VAMP4: variants seen among roughly 807,000 people sequenced by gnomAD.
VAMP4 encodes vesicle associated membrane protein 4, also known as vesicle-associated membrane protein 4.
In VAMP4, 19 loss-of-function variants were observed where a neutral mutation model predicts 23.5. The ratio of observed to expected loss-of-function variants is 0.81; its 90% CI spans 0.56 to 1.19. The LOEUF (loss-of-function observed/expected upper bound fraction) is 1.19, where lower values mean the gene tolerates loss of function less well. Ranked by LOEUF, VAMP4 falls within the 50% of genes most tolerant of loss-of-function variation. The probability of loss-of-function intolerance (pLI) is 0.00; values close to 1 mark genes in which losing one functional copy is unlikely to be tolerated. For synonymous variants in VAMP4, 31 were observed against 51.0 expected (o/e 0.61, Z 1.67); for missense variants, 145 against 168.6 (o/e 0.86, Z 0.78).
intron 2 of VAMP4, 48 bp from the exon 3 acceptor site, chr1:171,728,618 T>A: frequency 6.5e-7 from 1 of 1,529,464 alleles, no homozygotes. Flanking sequence ...AGAGGGCTTA[T>A]AAAATGTCAC....
At position 171,701,620 on chromosome 1, in the gene VAMP4, CAG is replaced by C. The variant is rs1373079514; in HGVS notation, c.*2884_*2885del. The C allele has an allele frequency of 6.6e-6, 1 of 152,140 alleles. No individual in the cohort carries two copies. Among genetic ancestry groups the C allele is most frequent in the Non-Finnish European group, 1.5e-5 (1 of 67,990 alleles). The allele number at this position is 152,140 out of a possible 1,614,324, so 9.4% of individuals were successfully genotyped here. A position where few individuals can be genotyped will look rare whatever the true frequency, so the allele number is the denominator to read the frequency against. On this transcript the variant is annotated 3_prime_UTR_variant, in exon 8 of 8. Transcript: ENST00000236192. ...TCCTAATACAGACTATTGAAATGCA[CAG>C]AAAGACTACAATAGGCAATCTATAG...
In VAMP4 at chr1:171,719,212, T is replaced by A. The variant is rs1338821693; in HGVS notation, c.123A>T (p.Pro41=). 4 of 1,611,826 alleles carry A rather than the reference T, an allele frequency of 2.5e-6. No individual in the cohort carries two copies. The highest frequency in any genetic ancestry group is 3.4e-6 in the Non-Finnish European group (4 of 1,178,860). Residue 41 remains proline, a synonymous_variant, in exon 4 of 8, where the codon CCA becomes CCT. Coordinates refer to ENST00000236192, the MANE Select transcript of VAMP4 (RefSeq NM_003762.5). ...DEEEDFFLRG[P]SGPRFGPRND... is the part of the protein sequence containing the mutation. ...TTCTAGGTCCAAATCTTGGTCCAGA[T>A]GGTCCCCTTCTGAAAACAAGTACAT...
At chr1:171,731,444 A>G (rs1341375440) in intron 2 of VAMP4, among the ~76,000 whole-genome samples, 1 of 145,268 alleles carries the variant, frequency 6.9e-6, no homozygotes, top group Non-Finnish European at 1.5e-5. Context: ...CAGGATTGCA[A>G]CAAATGCTAT....
Position 171,738,384 on chromosome 1 carries a change from CATT to C in VAMP4, c.28_30del (p.Asn10del), listed in dbSNP as rs781381161. Reference sequence around the variant, plus strand: ...TTCACAGAACCTGTGACATCATCATCATTGAGGTGGCGCTTAAACTTGGGAGGC... The same window carrying C: ...TTCACAGAACCTGTGACATCATCATCGAGGTGGCGCTTAAACTTGGGAGGC... On this transcript the variant is annotated inframe_deletion, in exon 2 of 8. Coordinates refer to ENST00000236192, the MANE Select transcript of VAMP4 (RefSeq NM_003762.5). 3.5e-5 allele frequency: 57 copies of C among 1,614,042 alleles called. No individual in the cohort carries two copies. The highest frequency in any genetic ancestry group is 6.7e-5 in the Admixed American group (4 of 60,000).
chr1:171,738,238 G>T, intron 2 of VAMP4, 111 bp downstream of exon 2: 1 of 1,181,696 alleles, frequency 8.5e-7, no homozygotes, highest in Non-Finnish European at 1.2e-6. Flanking sequence ...CAAGTGCGGC[G>T]ATTGCAGGCA....
At position 171,703,419 on chromosome 1, in the gene VAMP4, T is replaced by TA. The variant is rs1553258233; in HGVS notation, c.*1086_*1087insT. 1.6e-4 allele frequency: 14 copies of TA among 87,950 alleles called. No individual in the cohort carries two copies. Among genetic ancestry groups the TA allele is most frequent in the African/African-American group, 4.5e-4 (11 of 24,442 alleles). The allele number at this position is 87,950 out of a possible 1,614,324, so 5.4% of individuals were successfully genotyped here. ...TGTGTGTGTGTGTGTGTGTGTGTGT[T>TA]TGTGTGTATATATATATATATATAT... On this transcript the variant is annotated 3_prime_UTR_variant, in exon 8 of 8. Transcript: ENST00000236192.
chr1:171,738,762 C>T (rs1655824089), intron 1 of VAMP4, among the ~76,000 whole-genome samples: 3 of 152,210 alleles, frequency 2.0e-5, no homozygotes, highest in Admixed American at 2.0e-4. Flanking sequence ...GGACGTCTCA[C>T]TGAGACATTA....
intron 2 of VAMP4, among the ~76,000 whole-genome samples, chr1:171,730,977 G>A (rs1655543619): frequency 6.6e-6 from 1 of 152,058 alleles, no homozygotes; most frequent in African/African-American, 2.4e-5. Context: ...GGCCCAGGCG[G>A]GTGGATCACG....
chr1:171,714,541 G>A (rs534508492), intron 4 of VAMP4, among the ~76,000 whole-genome samples: 2 of 152,338 alleles, frequency 1.3e-5, no homozygotes, highest in Admixed American at 1.3e-4. Context: ...GGAGGCTGAG[G>A]CAGGAGGATC....
At chr1:171,711,803 C>A (rs1280449599) in intron 4 of VAMP4, among the ~76,000 whole-genome samples, 2 of 152,160 alleles carry the variant, frequency 1.3e-5, no homozygotes, top group African/African-American at 4.8e-5. Context: ...GGATTACTAG[C>A]GACTACAGAC....
intron 1 of VAMP4, among the ~76,000 whole-genome samples, chr1:171,738,814 C>T (rs1209648173): frequency 6.6e-6 from 1 of 152,200 alleles, no homozygotes; most frequent in East Asian, 1.9e-4. Context: ...GACAGGAGAA[C>T]ATGCCTATTT....
chr1:171,739,672 T>C (rs1170306471), intron 1 of VAMP4, among the ~76,000 whole-genome samples: 2 of 152,172 alleles, frequency 1.3e-5, no homozygotes, highest in Non-Finnish European at 2.9e-5. Context: ...AGTATCAGAA[T>C]TGAATTAGAG....
intron 2 of VAMP4, among the ~76,000 whole-genome samples, chr1:171,733,538 T>C (rs1031016237): frequency 4.6e-5 from 7 of 152,192 alleles, no homozygotes; most frequent in Admixed American, 2.6e-4. Context: ...TTTACTATAA[T>C]TGTACACTGA....
At chr1:171,715,125 G>A (rs988933454) in intron 4 of VAMP4, among the ~76,000 whole-genome samples, 1 of 152,092 alleles carries the variant, frequency 6.6e-6, no homozygotes, top group African/African-American at 2.4e-5. Context: ...GAAGGAATTG[G>A]GAAAAGAGTA....
At chr1:171,708,760 C>T (rs1439709925) in intron 6 of VAMP4, among the ~76,000 whole-genome samples, 1 of 149,900 alleles carries the variant, frequency 6.7e-6, no homozygotes, top group Non-Finnish European at 1.5e-5. Context: ...TCTGTAATTC[C>T]AGCTACTCAG....
chr1:171,741,206 T>C (rs1324471287), intron 1 of VAMP4, among the ~76,000 whole-genome samples: 2 of 152,196 alleles, frequency 1.3e-5, no homozygotes, highest in Non-Finnish European at 2.9e-5. Flanking sequence ...AATGTCTATG[T>C]GTGCGTTTTT....
chr1:171,703,922 C>G lies in VAMP4; in HGVS notation c.*584G>C, dbSNP rs948650034. The G allele has an allele frequency of 6.6e-6, 1 of 152,342 alleles. No homozygotes were observed. The highest frequency in any genetic ancestry group is 2.4e-5 in the African/African-American group (1 of 41,418). 9.4% of individuals were successfully genotyped at this position (152,342 alleles called of 1,614,324 possible). A position where few individuals can be genotyped will look rare whatever the true frequency, so the allele number is the denominator to read the frequency against. Reference sequence around the variant, plus strand: ...AAAAAAATTACTACACATTCTCTTACACAGTCAAAAATATATTTACTGGAA... The same window carrying G: ...AAAAAAATTACTACACATTCTCTTAGACAGTCAAAAATATATTTACTGGAA... On this transcript the variant is annotated 3_prime_UTR_variant, in exon 8 of 8. Transcript: ENST00000236192.
In VAMP4 at chr1:171,728,981, A is replaced by C. The variant is rs113404317; in HGVS notation, c.67-411T>G. Among the ~76,000 whole-genome samples, 680 of 152,308 alleles carry C rather than the reference A, an allele frequency of 4.5e-3. 4 individuals carry two copies. Among genetic ancestry groups the C allele is most frequent in the African/African-American group, 0.014 (575 of 41,558 alleles). On this transcript the variant is annotated intron_variant, in intron 2 of 7. Coordinates refer to ENST00000236192, the MANE Select transcript of VAMP4 (RefSeq NM_003762.5). Reference sequence around the variant, plus strand: ...ACTGCAGCATCAGAGAAGAGTATAGAGGGAGTTTGGAGCTGAGGACAAGGG... The same window carrying C: ...ACTGCAGCATCAGAGAAGAGTATAGCGGGAGTTTGGAGCTGAGGACAAGGG...
chr1:171,713,676 A>T (rs988336224), intron 4 of VAMP4, among the ~76,000 whole-genome samples: 16 of 152,080 alleles, frequency 1.1e-4, no homozygotes, highest in Non-Finnish European at 1.0e-4. Context: ...TTACAAAAAA[A>T]TTTAAAAATA....
Sources: allele counts gnomAD v4.1 joint callset (sites outside exome capture counted in the v4.1 genomes callset), GRCh38; gene constraint gnomAD v4.1.1; transcripts MANE v1.5; gene names NCBI Gene and HGNC (gene_info 2026-07-23, HGNC 2026-07-21).